Variants in ADSS2 observed in about 807,000 individuals in gnomAD.
ADSS2 encodes adenylosuccinate synthase 2.
Under a neutral mutation model 60.0 loss-of-function variants are expected in ADSS2, and 30 were observed. The ratio of observed to expected loss-of-function variants is 0.50; its 90% CI spans 0.37 to 0.68. ADSS2 has a LOEUF of 0.68. ADSS2 is among the 30% of genes least tolerant of loss of function. The pLI is 0.00. For missense variants in ADSS2, 373 were observed against 554.8 expected (o/e 0.67, Z 3.29); for synonymous variants, 187 against 193.1 (o/e 0.97, Z 0.26).
chr1:244,443,397 A>C (rs1212781219), intron 1 of ADSS2, among the ~76,000 whole-genome samples: 1 of 152,222 alleles, frequency 6.6e-6, no homozygotes, highest in Non-Finnish European at 1.5e-5. Context: ...ATTCTATATT[A>C]CTTAACAAAA....
chr1:244,412,002 G>C (rs1168671689), intron 11 of ADSS2, among the ~76,000 whole-genome samples: 1 of 152,152 alleles, frequency 6.6e-6, no homozygotes, highest in Non-Finnish European at 1.5e-5. Context: ...TTTCTCTCAA[G>C]ACTGAGAGCT....
Position 244,408,883 on chromosome 1 carries a change from T to C in ADSS2, c.*703A>G, listed in dbSNP as rs1161449783. The C allele has an allele frequency of 2.8e-4, 43 of 152,454 alleles. No individual in the cohort carries two copies. The highest frequency in any genetic ancestry group is 2.8e-3 in the Admixed American group (43 of 15,278). The allele number at this position is 152,454 out of a possible 1,614,324, so 9.4% of individuals were successfully genotyped here. On this transcript the variant is annotated 3_prime_UTR_variant, in exon 13 of 13. Coordinates refer to ENST00000366535, the MANE Select transcript of ADSS2 (RefSeq NM_001126.5). ...GATCTTTTAATGACTATTTTTAACATAAAGATTGTTGTTTTGGGAAACATC... is the reference window on the plus strand; with the variant it reads ...GATCTTTTAATGACTATTTTTAACACAAAGATTGTTGTTTTGGGAAACATC...
intron 4 of ADSS2, among the ~76,000 whole-genome samples, chr1:244,427,677 T>C (rs1664839273): frequency 6.6e-6 from 1 of 152,178 alleles, no homozygotes; most frequent in Non-Finnish European, 1.5e-5. Context: ...GTGGCTATAT[T>C]AATATCAAAG....
At chr1:244,414,214 A>G (rs1664479460) in intron 11 of ADSS2, among the ~76,000 whole-genome samples, 1 of 152,160 alleles carries the variant, frequency 6.6e-6, no homozygotes, top group South Asian at 2.1e-4. Context: ...ATCAATAGTC[A>G]TTAGGCATAG....
chr1:244,451,949 G>A (rs1665637313), upstream of ADSS2: 2 of 966,160 alleles, frequency 2.1e-6, no homozygotes, highest in Non-Finnish European at 2.9e-6. The surrounding 1 kb of genome is among the most constrained non-coding windows in gnomAD (Gnocchi z 6.6). Flanking sequence ...CCGCCCCGCC[G>A]GGCCGCCACC....
rs756959937 is a variant in ADSS2 at position 244,409,538 on chromosome 1, T to A, written c.*48A>T. The stretch of plus-strand genomic sequence containing the variant: ...GTCATAAATGAAATATTTAAGAAAG[T>A]CTTTTCCCCTCCCTCTCAAGGAGTG... On this transcript the variant is annotated 3_prime_UTR_variant, in exon 13 of 13. Transcript: ENST00000366535. 7.1e-7 allele frequency: 1 copy of A among 1,411,706 alleles called. No individual in the cohort carries two copies. Among genetic ancestry groups the A allele is most frequent in the Non-Finnish European group, 9.9e-7 (1 of 1,005,094 alleles). 87.4% of individuals were successfully genotyped at this position (1,411,706 alleles called of 1,614,324 possible). A position where few individuals can be genotyped will look rare whatever the true frequency, so the allele number is the denominator to read the frequency against.
At chr1:244,428,523 G>C (rs112948313) in intron 4 of ADSS2, among the ~76,000 whole-genome samples, 1 of 151,212 alleles carries the variant, frequency 6.6e-6, no homozygotes, top group Non-Finnish European at 1.5e-5. Flanking sequence ...AGGAAGGGAG[G>C]GAGAGAGAGA....
chr1:244,423,005 T>C, intron 6 of ADSS2, 89 bp from the exon 7 acceptor site: 1 of 821,926 alleles, frequency 1.2e-6, no homozygotes, highest in Non-Finnish European at 1.9e-6. Context: ...CTGCAGATGG[T>C]AAATGATCTT....
intron 7 of ADSS2, among the ~76,000 whole-genome samples, chr1:244,420,957 T>TTACA (rs890805433): frequency 1.3e-5 from 2 of 152,090 alleles, no homozygotes; most frequent in Non-Finnish European, 2.9e-5. Flanking sequence ...AAGTGCTGAA[T>TTACA]TACAGGTGTA....
chr1:244,422,578 G>T (rs569689874), intron 7 of ADSS2, among the ~76,000 whole-genome samples: 31 of 152,254 alleles, frequency 2.0e-4, no homozygotes, highest in African/African-American at 7.2e-4. Flanking sequence ...TATCTCCAGG[G>T]TAAGATCTAA....
In ADSS2 at chr1:244,417,608, T is replaced by C. The variant is rs369307334; in HGVS notation, c.1070+20A>G. The C allele has an allele frequency of 3.2e-5, 51 of 1,609,952 alleles. No individual in the cohort carries two copies. Among genetic ancestry groups the C allele is most frequent in the Middle Eastern group, 2.2e-4 (1 of 4,456 alleles). On this transcript the variant is annotated intron_variant, in intron 10 of 12. Transcript: ENST00000366535. Reference sequence around the variant, plus strand: ...ATCATCTATGATTTCCTGAAATAAATGTTTCTGAAGAATACTCACGCAGTA... The same window carrying C: ...ATCATCTATGATTTCCTGAAATAAACGTTTCTGAAGAATACTCACGCAGTA...
chr1:244,425,965 T>C (rs187535626), intron 4 of ADSS2, among the ~76,000 whole-genome samples: 2 of 152,310 alleles, frequency 1.3e-5, no homozygotes, highest in East Asian at 3.9e-4. Context: ...AATGGTAGAA[T>C]GAATGGATTT....
intron 10 of ADSS2, among the ~76,000 whole-genome samples, chr1:244,417,098 G>A (rs371594398): frequency 6.6e-6 from 1 of 152,154 alleles, no homozygotes; most frequent in Non-Finnish European, 1.5e-5. Context: ...GCCAGGCAGT[G>A]TGCTATAGGC....
chr1:244,436,983 C>T, intron 2 of ADSS2, 90 bp from the exon 3 acceptor site: 1 of 1,062,110 alleles, frequency 9.4e-7, no homozygotes, highest in Non-Finnish European at 1.4e-6. Flanking sequence ...ACGGTGTTAC[C>T]ACAGAAATGA....
chr1:244,420,411 A>G, intron 7 of ADSS2, 115 bp from the exon 8 acceptor site: 1 of 896,670 alleles, frequency 1.1e-6, no homozygotes. Flanking sequence ...GCAAAGTAGA[A>G]AAGGGCTGGT....
At chr1:244,413,446 G>A (rs1380361537) in intron 11 of ADSS2, among the ~76,000 whole-genome samples, 1 of 152,168 alleles carries the variant, frequency 6.6e-6, no homozygotes, top group Non-Finnish European at 1.5e-5. Context: ...TGGCTCCTGG[G>A]AGAGAAAACT....
chr1:244,434,353 C>CA (rs533431244), intron 3 of ADSS2, among the ~76,000 whole-genome samples: 177 of 133,180 alleles, frequency 1.3e-3, no homozygotes, highest in South Asian at 3.1e-3. Flanking sequence ...ACCATGTCTC[C>CA]AAAAAAAAAA....
At chr1:244,419,776 A>G (rs1005305875) in intron 8 of ADSS2, among the ~76,000 whole-genome samples, 2 of 152,210 alleles carry the variant, frequency 1.3e-5, no homozygotes, top group Admixed American at 6.5e-5. Context: ...GTTAATTTAT[A>G]TAAATAGGCT....
chr1:244,438,372 A>G lies in ADSS2; in HGVS notation c.184-604T>C, dbSNP rs79144907. 5.2e-3 allele frequency among the ~76,000 whole-genome samples: 785 copies of G among 152,340 alleles called. 4 individuals are homozygous for G. Among genetic ancestry groups the G allele is most frequent in the Non-Finnish European group, 6.5e-3 (443 of 68,018 alleles). ...CCCTAGAACCTGCTCATCTCTGGAT[A>G]AAGTAATATCCTGGCTCAAGGAACT... On this transcript the variant is annotated intron_variant, in intron 1 of 12. Coordinates refer to ENST00000366535, the MANE Select transcript of ADSS2 (RefSeq NM_001126.5).
Sources: allele counts gnomAD v4.1 joint callset (sites outside exome capture counted in the v4.1 genomes callset), GRCh38; gene constraint gnomAD v4.1.1; non-coding constraint Gnocchi (gnomAD v3.1); transcripts MANE v1.5; gene names NCBI Gene and HGNC (gene_info 2026-07-23, HGNC 2026-07-21).